The following BTLA variants were observed in gnomAD, a reference collection of about 807,000 sequenced individuals.
BTLA encodes B and T lymphocyte associated.
In BTLA, 11 loss-of-function variants were observed where a neutral mutation model predicts 25.0. That is an observed-to-expected ratio of 0.44 (90% confidence interval 0.28 to 0.73). BTLA has a LOEUF of 0.73. BTLA is among the 30% of genes least tolerant of loss of function. The pLI, the probability that BTLA is intolerant of heterozygous loss-of-function variation, is 0.15. For missense variants in BTLA, 282 were observed against 332.8 expected, an observed-to-expected ratio of 0.85 and a Z score of 1.19; for synonymous variants, 104 against 119.8, an observed-to-expected ratio of 0.87 and a Z score of 0.86.
chr3:112,491,131 A>G (rs371329946), intron 1 of BTLA, among the ~76,000 whole-genome samples: 3 of 152,200 alleles, frequency 2.0e-5, no homozygotes, highest in Non-Finnish European at 4.4e-5. Context: ...CAAAGTCCCC[A>G]TGTCATTTCC....
intron 4 of BTLA, among the ~76,000 whole-genome samples, chr3:112,466,910 G>A (rs936614226): frequency 5.9e-5 from 9 of 151,550 alleles, no homozygotes; most frequent in African/African-American, 1.5e-4. Context: ...CTTAGAAAAA[G>A]TTCCAAAACA....
intron 1 of BTLA, among the ~76,000 whole-genome samples, chr3:112,480,265 C>G (rs1329416287): frequency 3.9e-5 from 6 of 152,174 alleles, no homozygotes; most frequent in African/African-American, 1.4e-4. Flanking sequence ...CACTGCCTAT[C>G]CCAAAACCTA....
rs2082211414 is a variant in BTLA at position 112,464,030 on chromosome 3, G to C, written c.*2078C>G. On this transcript the variant is annotated 3_prime_UTR_variant, in exon 5 of 5. Transcript: ENST00000334529. ...GAGCACAATCACAAGCTTAAAATTTGTGAAAAACCATTAAATTATCTACAT... is the reference window on the plus strand; with the variant it reads ...GAGCACAATCACAAGCTTAAAATTTCTGAAAAACCATTAAATTATCTACAT... The C allele has an allele frequency of 2.0e-5, 8 of 395,246 alleles. No individual in the cohort carries two copies. The highest frequency in any genetic ancestry group is 2.7e-5 in the Non-Finnish European group (6 of 223,996). 24.5% of individuals were successfully genotyped at this position (395,246 alleles called of 1,614,324 possible).
chr3:112,491,712 G>A (rs2082381093), intron 1 of BTLA, among the ~76,000 whole-genome samples: 1 of 152,140 alleles, frequency 6.6e-6, no homozygotes, highest in South Asian at 2.1e-4. Context: ...TTTTCTGATA[G>A]GATGAATTTA....
chr3:112,469,994 C>A, intron 3 of BTLA, 190 bp from the exon 4 acceptor site: 1 of 507,422 alleles, frequency 2.0e-6, no homozygotes, highest in Non-Finnish European at 3.6e-6. Flanking sequence ...TGGTTCATCA[C>A]TTTTCAGTCC....
Position 112,464,446 on chromosome 3 carries a change from A to G in BTLA, c.*1662T>C, listed in dbSNP as rs572294197. 4 of 300,742 alleles carry G rather than the reference A, an allele frequency of 1.3e-5. No homozygotes were observed. Among genetic ancestry groups the G allele is most frequent in the South Asian group, 3.3e-4 (2 of 6,116 alleles). The allele number at this position is 300,742 out of a possible 1,614,324, so 18.6% of individuals were successfully genotyped here. A position where few individuals can be genotyped will look rare whatever the true frequency, so the allele number is the denominator to read the frequency against. On this transcript the variant is annotated 3_prime_UTR_variant, in exon 5 of 5. Transcript: ENST00000334529. ...AGCTATTCTAACATGTCTTTCTTAC[A>G]TAAGTTGTCCACAAATGCAGCCTGG...
At chr3:112,466,958 C>T (rs13063240) in intron 4 of BTLA, among the ~76,000 whole-genome samples, 7 of 40,866 alleles carry the variant, frequency 1.7e-4, no homozygotes, top group Non-Finnish European at 2.0e-4. Flanking sequence ...GAAAATTCTT[C>T]TTTTTTTTTT....
intron 2 of BTLA, among the ~76,000 whole-genome samples, chr3:112,475,591 T>C (rs915401403): frequency 6.6e-6 from 1 of 152,184 alleles, no homozygotes; most frequent in African/African-American, 2.4e-5. Flanking sequence ...AGAGCAGAAA[T>C]TGCAATGCTA....
chr3:112,492,517 T>A, intron 1 of BTLA, among the ~76,000 whole-genome samples: 1 of 152,336 alleles, frequency 6.6e-6, no homozygotes, highest in South Asian at 2.1e-4. Flanking sequence ...TTGTTACTTG[T>A]GATGTTCAGA....
intron 1 of BTLA, among the ~76,000 whole-genome samples, chr3:112,486,048 C>A (rs1351487161): frequency 2.0e-5 from 3 of 152,180 alleles, no homozygotes; most frequent in African/African-American, 4.8e-5. Flanking sequence ...ACCCGCGAGG[C>A]GGAGCTTCCA....
chr3:112,490,026 A>G (rs2082371466), intron 1 of BTLA, among the ~76,000 whole-genome samples: 1 of 152,200 alleles, frequency 6.6e-6, no homozygotes, highest in Non-Finnish European at 1.5e-5. Context: ...TTGGGAGGAC[A>G]TTGACTTGCA....
intron 1 of BTLA, among the ~76,000 whole-genome samples, chr3:112,484,851 C>T (rs1243356211): frequency 6.6e-6 from 1 of 152,120 alleles, no homozygotes; most frequent in Non-Finnish European, 1.5e-5. Context: ...CACTGACTGG[C>T]ACAGGAATTT....
intron 2 of BTLA, among the ~76,000 whole-genome samples, chr3:112,476,044 T>C (rs1423633918): frequency 6.6e-6 from 1 of 152,216 alleles, no homozygotes; most frequent in Non-Finnish European, 1.5e-5. Context: ...GCTTTGCATA[T>C]ACTATGTTCT....
intron 2 of BTLA, among the ~76,000 whole-genome samples, chr3:112,473,611 C>CTTTTTTTTT (rs777897332): frequency 8.7e-6 from 1 of 115,154 alleles, no homozygotes; most frequent in African/African-American, 3.7e-5. Flanking sequence ...TTTTCTTCTT[C>CTTTTTTTTT]TTTTTTTTTT....
At chr3:112,479,407 GA>G in intron 2 of BTLA, 47 bp downstream of exon 2, 4 of 1,520,406 alleles carry the variant, frequency 2.6e-6, no homozygotes. Context: ...CCTCTTCCTG[GA>G]AACATTATAA....
chr3:112,486,638 A>G (rs183491094), intron 1 of BTLA, among the ~76,000 whole-genome samples: 1 of 152,344 alleles, frequency 6.6e-6, no homozygotes, highest in Admixed American at 6.5e-5. Context: ...AAATTCTGCA[A>G]AGATACAATT....
At chr3:112,482,494 T>C (rs982210398) in intron 1 of BTLA, among the ~76,000 whole-genome samples, 1 of 152,186 alleles carries the variant, frequency 6.6e-6, no homozygotes, top group Admixed American at 6.5e-5. Context: ...CCAGCATAAA[T>C]ATTCTCATTT....
chr3:112,497,260 T>G (rs1436422116), intron 1 of BTLA, among the ~76,000 whole-genome samples: 1 of 152,230 alleles, frequency 6.6e-6, no homozygotes, highest in Non-Finnish European at 1.5e-5. Flanking sequence ...TGCGAGGCAC[T>G]TTACCCATAT....
At chr3:112,481,142 G>C (rs2082316018) in intron 1 of BTLA, among the ~76,000 whole-genome samples, 1 of 152,204 alleles carries the variant, frequency 6.6e-6, no homozygotes, top group Admixed American at 6.5e-5. Flanking sequence ...GCATTGCTGG[G>C]CTTGGTTGAT....
Sources: allele counts gnomAD v4.1 joint callset (sites outside exome capture counted in the v4.1 genomes callset), GRCh38; gene constraint gnomAD v4.1.1; transcripts MANE v1.5; gene names NCBI Gene and HGNC (gene_info 2026-07-23, HGNC 2026-07-21).